Variants in WNT7B observed in about 807,000 individuals in gnomAD.
The protein encoded by WNT7B is Wnt family member 7B.
In WNT7B, 19 loss-of-function variants were observed where a neutral mutation model predicts 38.2. The ratio of observed to expected loss-of-function variants is 0.50; its 90% CI spans 0.35 to 0.73. The LOEUF is 0.73. WNT7B is among the 30% of genes least tolerant of loss of function. WNT7B has a pLI of 0.01. For missense variants in WNT7B, 423 were observed against 507.9 expected (o/e 0.83, Z 1.61); for synonymous variants, 243 against 209.3 (o/e 1.16, Z -1.39).
Position 45,922,556 on chromosome 22 carries a change from G to C in WNT7B, c.*300C>G, listed in dbSNP as rs571830654. The C allele has an allele frequency of 5.5e-5, 23 of 421,700 alleles. No individual in the cohort carries two copies. Among genetic ancestry groups the C allele is most frequent in the African/African-American group, 3.6e-4 (18 of 50,604 alleles). The allele number at this position is 421,700 out of a possible 1,614,324, so 26.1% of individuals were successfully genotyped here. ...TGTCCTGGACGTTCATTTTCCCAGA[G>C]AGAAGAAAGAGAACTTGCCGGGCCC... On this transcript the variant is annotated 3_prime_UTR_variant, in exon 4 of 4. Coordinates refer to ENST00000339464, the MANE Select transcript of WNT7B (RefSeq NM_058238.3).
chr22:45,947,515 G>T (rs1309199160), intron 2 of WNT7B, among the ~76,000 whole-genome samples: 1 of 152,190 alleles, frequency 6.6e-6, no homozygotes, highest in African/African-American at 2.4e-5. Context: ...TCAGGCCAGA[G>T]GTTCGCATGG....
At chr22:45,963,322 C>T (rs1349010289) in intron 1 of WNT7B, among the ~76,000 whole-genome samples, 1 of 152,200 alleles carries the variant, frequency 6.6e-6, no homozygotes, top group Non-Finnish European at 1.5e-5. Context: ...CCTAGGCCGC[C>T]ACCGCCTCCT....
intron 1 of WNT7B, among the ~76,000 whole-genome samples, chr22:45,957,711 A>AAAAC (rs1932104718): frequency 6.7e-6 from 1 of 150,324 alleles, no homozygotes; most frequent in South Asian, 2.1e-4. Flanking sequence ...AAAAAAAAAA[A>AAAAC]ACAGAAAACA....
At chr22:45,932,251 CCCCATCCTCTG>C (rs1209298009) in intron 2 of WNT7B, among the ~76,000 whole-genome samples, 2 of 152,204 alleles carry the variant, frequency 1.3e-5, no homozygotes, top group African/African-American at 2.4e-5. Context: ...AGCCCTCTCT[CCCCATCCTCTG>C]CCCAGAACAG....
chr22:45,932,611 A>T (rs1931402858), intron 2 of WNT7B, among the ~76,000 whole-genome samples: 1 of 152,098 alleles, frequency 6.6e-6, no homozygotes, highest in Non-Finnish European at 1.5e-5. Context: ...GCATCCTTCC[A>T]TCCTGGCTCT....
In WNT7B at chr22:45,951,237, C is replaced by T. The variant is rs1457683127; in HGVS notation, c.72-1091G>A. Among the ~76,000 whole-genome samples the T allele has an allele frequency of 3.3e-5, 5 of 152,096 alleles. No homozygotes were observed. The highest frequency in any genetic ancestry group is 2.1e-4 in the South Asian group (1 of 4,822). On this transcript the variant is annotated intron_variant, in intron 1 of 3. Transcript: ENST00000339464. The surrounding 1 kb of genome is among the most constrained non-coding windows in gnomAD (Gnocchi z 4.8). ...TACTACAGTTGCCCACCACCACACC[C>T]GGCTAATTTTTGTATTTTTAGTAGA...
intron 2 of WNT7B, among the ~76,000 whole-genome samples, chr22:45,942,373 C>A (rs112286308): frequency 0.019 from 2,879 of 152,350 alleles, 36 homozygotes; most frequent in Middle Eastern, 0.034. Flanking sequence ...GGGCTCAGTC[C>A]CAGGGGGACA....
chr22:45,964,597 T>C (rs908076524), intron 1 of WNT7B, among the ~76,000 whole-genome samples: 1 of 152,080 alleles, frequency 6.6e-6, no homozygotes, highest in Non-Finnish European at 1.5e-5. Flanking sequence ...AGCCTGGAAG[T>C]CATCCAGCCC....
chr22:45,930,787 C>T (rs1020930059), intron 3 of WNT7B, among the ~76,000 whole-genome samples: 3 of 152,196 alleles, frequency 2.0e-5, no homozygotes, highest in Non-Finnish European at 2.9e-5. Flanking sequence ...GCCTGGGACC[C>T]TCCGCCACGG....
intron 3 of WNT7B, chr22:45,925,480 G>A: frequency 1.0e-6 from 1 of 985,252 alleles, no homozygotes; most frequent in African/African-American, 1.7e-5. Flanking sequence ...GAATTGCAGG[G>A]CTAAGGGGCA....
chr22:45,923,616 T>C (rs1220570502), intron 3 of WNT7B, among the ~76,000 whole-genome samples: 1 of 152,188 alleles, frequency 6.6e-6, no homozygotes, highest in Non-Finnish European at 1.5e-5. Context: ...TTTGTTAGAC[T>C]CTCACAGCCC....
At chr22:45,958,426 G>A (rs368844675) in intron 1 of WNT7B, among the ~76,000 whole-genome samples, 5 of 152,144 alleles carry the variant, frequency 3.3e-5, no homozygotes, top group East Asian at 3.9e-4. Flanking sequence ...AGTTTCTCCC[G>A]CTTCAAAGCC....
intron 3 of WNT7B, chr22:45,925,304 G>T (rs1931049841): frequency 9.1e-6 from 9 of 985,450 alleles, no homozygotes; most frequent in Non-Finnish European, 1.1e-5. Context: ...CTGGAGCTGG[G>T]GTGTTTTCTG....
At chr22:45,955,944 G>A (rs28633661) in intron 1 of WNT7B, among the ~76,000 whole-genome samples, 41,173 of 152,110 alleles carry the variant, frequency 0.27, 7,892 homozygotes, top group African/African-American at 0.55. Context: ...AGGGGCTGCC[G>A]CCAGGTAGCG....
intron 3 of WNT7B, among the ~76,000 whole-genome samples, chr22:45,923,822 G>A (rs1052219527): frequency 2.6e-5 from 4 of 152,180 alleles, no homozygotes; most frequent in Non-Finnish European, 5.9e-5. Flanking sequence ...GCATGCAGTT[G>A]GTGTTTAATG....
intron 1 of WNT7B, among the ~76,000 whole-genome samples, chr22:45,960,244 G>T (rs764241526): frequency 6.6e-6 from 1 of 152,044 alleles, no homozygotes; most frequent in Non-Finnish European, 1.5e-5. Flanking sequence ...CTCCTTCCTC[G>T]CATGCTGGCC....
chr22:45,964,254 G>C (rs1160483982), intron 1 of WNT7B, among the ~76,000 whole-genome samples: 1 of 152,124 alleles, frequency 6.6e-6, no homozygotes, highest in Non-Finnish European at 1.5e-5. Context: ...TCCTGGGCCT[G>C]TCACCCCCAG....
intron 3 of WNT7B, among the ~76,000 whole-genome samples, chr22:45,923,933 G>A (rs1931003215): frequency 2.6e-5 from 4 of 152,216 alleles, no homozygotes; most frequent in African/African-American, 9.6e-5. Flanking sequence ...ATGCTGAGAA[G>A]CCGACAGCCC....
intron 2 of WNT7B, among the ~76,000 whole-genome samples, chr22:45,933,196 G>A (rs1275032526): frequency 6.6e-6 from 1 of 152,146 alleles, no homozygotes; most frequent in Admixed American, 6.5e-5. Context: ...CAGCTTCCCG[G>A]GAACTTCCTT....
Sources: allele counts gnomAD v4.1 joint callset (sites outside exome capture counted in the v4.1 genomes callset), GRCh38; gene constraint gnomAD v4.1.1; non-coding constraint Gnocchi (gnomAD v3.1); transcripts MANE v1.5; gene names NCBI Gene and HGNC (gene_info 2026-07-23, HGNC 2026-07-21).